RNF212B: variants seen among roughly 807,000 people sequenced by gnomAD.
RNF212B encodes E3 ubiquitin-protein ligase RNF212B.
Under a neutral mutation model 55.5 loss-of-function variants are expected in RNF212B, and 52 were observed. The observed-to-expected ratio is 0.94, with a 90% confidence interval of 0.75 to 1.18. The LOEUF (loss-of-function observed/expected upper bound fraction) is 1.18, where lower values mean the gene tolerates loss of function less well. Among genes scored for constraint, RNF212B ranks in the 50% most tolerant of loss-of-function variants. RNF212B has a pLI of 0.00. For missense variants in RNF212B, 289 were observed against 350.4 expected (o/e 0.82, Z 1.40); for synonymous variants, 99 against 121.4 (o/e 0.82, Z 1.21).
Position 23,243,325 on chromosome 14 carries a change from CT to C in RNF212B, c.153+18del. 2 of 1,543,052 alleles carry C rather than the reference CT, an allele frequency of 1.3e-6. No individual in the cohort carries two copies. Among genetic ancestry groups the C allele is most frequent in the Middle Eastern group, 1.7e-4 (1 of 5,974 alleles). The stretch of plus-strand genomic sequence containing the variant: ...TCTGATAATGTAAGTTTTTCTCCCC[CT>C]GCCACAAACTGTCTCATCCCATTCC... On this transcript the variant is annotated intron_variant, in intron 3 of 14. Coordinates refer to ENST00000430154, the MANE Select transcript of RNF212B (RefSeq NM_001282322.3).
At chr14:23,221,509 C>G (rs777698001) in intron 2 of RNF212B, among the ~76,000 whole-genome samples, 8 of 152,084 alleles carry the variant, frequency 5.3e-5, no homozygotes, top group Non-Finnish European at 8.8e-5. Context: ...ATTATTAGAG[C>G]TAAAGAGAAA....
At position 23,243,325 on chromosome 14, in the gene RNF212B, C is replaced by T; in HGVS notation, c.153+17C>T. 6.5e-7 allele frequency: 1 copy of T among 1,543,052 alleles called. No homozygotes were observed. Among genetic ancestry groups the T allele is most frequent in the Non-Finnish European group, 8.8e-7 (1 of 1,140,146 alleles). ...TCTGATAATGTAAGTTTTTCTCCCCCTGCCACAAACTGTCTCATCCCATTC... is the reference window on the plus strand; with the variant it reads ...TCTGATAATGTAAGTTTTTCTCCCCTTGCCACAAACTGTCTCATCCCATTC... On this transcript the variant is annotated intron_variant, in intron 3 of 14. Coordinates refer to ENST00000430154, the MANE Select transcript of RNF212B (RefSeq NM_001282322.3).
chr14:23,186,810 C>T (rs971836964), intron 1 of RNF212B, among the ~76,000 whole-genome samples: 4 of 152,036 alleles, frequency 2.6e-5, no homozygotes, highest in African/African-American at 4.8e-5. Context: ...AAATATTTTA[C>T]CTGAGGTAAA....
At chr14:23,195,652 TC>T (rs1010815006) in intron 2 of RNF212B, among the ~76,000 whole-genome samples, 2 of 152,158 alleles carry the variant, frequency 1.3e-5, no homozygotes, top group Non-Finnish European at 2.9e-5. Flanking sequence ...ACCTGTGCTC[TC>T]CCGACAGCAC....
In RNF212B at chr14:23,216,697, T is replaced by C. The variant is rs763762683; in HGVS notation, c.-2+23296T>C. On this transcript the variant is annotated intron_variant, in intron 2 of 15. Transcript: ENST00000399910. ...GAGTTCAAGACAAGCTTGGGCAACA[T>C]GGTGAAACCCCATCTCTACCAAAAA... Among the ~76,000 whole-genome samples the C allele has an allele frequency of 3.2e-4, 48 of 151,596 alleles. 1 individual carries two copies. Among genetic ancestry groups the C allele is most frequent in the Non-Finnish European group, 1.8e-4 (12 of 67,894 alleles).
chr14:23,194,345 A>C (rs1339932320), intron 2 of RNF212B, among the ~76,000 whole-genome samples: 1 of 152,210 alleles, frequency 6.6e-6, no homozygotes, highest in Non-Finnish European at 1.5e-5. Context: ...GTACCTAAAA[A>C]TAAGGCTTGA....
At chr14:23,227,750 T>C (rs1268442434) in intron 2 of RNF212B, among the ~76,000 whole-genome samples, 1 of 151,872 alleles carries the variant, frequency 6.6e-6, no homozygotes, top group Non-Finnish European at 1.5e-5. Flanking sequence ...CAGGCATGCA[T>C]CAGCACGCCT....
chr14:23,234,409 C>T (rs1019322254), upstream of RNF212B, among the ~76,000 whole-genome samples: 15 of 152,060 alleles, frequency 9.9e-5, no homozygotes, highest in Admixed American at 6.5e-4. Flanking sequence ...TTCCTGCACA[C>T]CTAGGTTATA....
chr14:23,229,233 T>TATATATAC (rs1882326975), intron 2 of RNF212B, among the ~76,000 whole-genome samples: 1 of 65,968 alleles, frequency 1.5e-5, no homozygotes, highest in East Asian at 4.2e-4. Context: ...TATATATATA[T>TATATATAC]ATATATATAT....
At position 23,212,900 on chromosome 14, in the gene RNF212B, A is replaced by C. The variant is rs150640802; in HGVS notation, c.-2+19499A>C. 8.0e-3 allele frequency among the ~76,000 whole-genome samples: 1,220 copies of C among 151,620 alleles called. 7 individuals are homozygous for C. The highest frequency in any genetic ancestry group is 0.011 in the Non-Finnish European group (744 of 68,014). On this transcript the variant is annotated intron_variant, in intron 2 of 15. Coordinates refer to the RNF212B transcript ENST00000399910. ...ATTTCTTTTTACAATTTTTTGAAGTAATTTCTTTTTTGCCAGCCTAATAGT... is the reference window on the plus strand; with the variant it reads ...ATTTCTTTTTACAATTTTTTGAAGTCATTTCTTTTTTGCCAGCCTAATAGT...
Position 23,228,653 on chromosome 14 carries a change from C to CA in RNF212B, c.-1-11685dup, listed in dbSNP as rs769415236. 9.5e-4 allele frequency among the ~76,000 whole-genome samples: 143 copies of CA among 150,874 alleles called. 1 individual carries two copies. Among genetic ancestry groups the CA allele is most frequent in the Admixed American group, 3.2e-3 (48 of 15,076 alleles). ...GACAGAGCAAGACTCTCTAAAAAAA[C>CA]AAAAAAACAAAACAAAACAAAACAA... On this transcript the variant is annotated intron_variant, in intron 2 of 15. Coordinates refer to the RNF212B transcript ENST00000399910.
At chr14:23,257,746 G>T (rs995175484) in intron 4 of RNF212B, among the ~76,000 whole-genome samples, 3 of 152,202 alleles carry the variant, frequency 2.0e-5, no homozygotes, top group Non-Finnish European at 2.9e-5. Flanking sequence ...AAAAAATTAC[G>T]TGTGCATGCC....
chr14:23,237,860 A>C (rs1319634082), upstream of RNF212B, among the ~76,000 whole-genome samples: 2 of 151,530 alleles, frequency 1.3e-5, no homozygotes, highest in Admixed American at 6.6e-5. Flanking sequence ...CGCGCACGCC[A>C]CGGAGCCACG....
chr14:23,245,896 G>T (rs911566219), intron 4 of RNF212B, among the ~76,000 whole-genome samples: 8 of 152,172 alleles, frequency 5.3e-5, no homozygotes, highest in African/African-American at 1.9e-4. Flanking sequence ...TCCTTAATAA[G>T]TAGTGGACGC....
intron 2 of RNF212B, 147 bp downstream of exon 2, chr14:23,240,592 A>T (rs1453264485): frequency 3.7e-6 from 2 of 534,188 alleles, no homozygotes; most frequent in African/African-American, 3.8e-5. Context: ...TCAATTTTAG[A>T]AATTGAAGGA....
At chr14:23,229,951 G>GCA (rs1157143032) in intron 2 of RNF212B, 1 of 198,200 alleles carries the variant, frequency 5.0e-6, no homozygotes, top group African/African-American at 2.3e-5. Flanking sequence ...GCCATCTCGT[G>GCA]CACAATTCCT....
At chr14:23,251,777 C>T (rs929459072) in intron 4 of RNF212B, among the ~76,000 whole-genome samples, 6 of 147,204 alleles carry the variant, frequency 4.1e-5, no homozygotes, top group Non-Finnish European at 7.4e-5. Flanking sequence ...GATTGTGCCA[C>T]CACACTCCAG....
rs980817408 is a variant in RNF212B at position 23,260,765 on chromosome 14, C to G, written c.434+78C>G. On this transcript the variant is annotated intron_variant, in intron 7 of 14. Coordinates refer to ENST00000430154, the MANE Select transcript of RNF212B (RefSeq NM_001282322.3). ...TTCTTGACTCCTGGCTGTGTGAACT[C>G]TGAGAGAGAGAAAATGGTTAATGAA... 2.5e-5 allele frequency: 31 copies of G among 1,261,880 alleles called. No homozygotes were observed. The African/African-American group carries it at 4.2e-4, about 17-fold the overall frequency. The allele number at this position is 1,261,880 out of a possible 1,614,324, so 78.2% of individuals were successfully genotyped here. A position where few individuals can be genotyped will look rare whatever the true frequency, so the allele number is the denominator to read the frequency against.
intron 2 of RNF212B, among the ~76,000 whole-genome samples, chr14:23,232,025 TC>T (rs1248472657): frequency 2.6e-5 from 4 of 152,202 alleles, no homozygotes; most frequent in African/African-American, 9.6e-5. Flanking sequence ...TGCCTTGGCC[TC>T]CCAAAGTGCC....
Sources: allele counts gnomAD v4.1 joint callset (sites outside exome capture counted in the v4.1 genomes callset), GRCh38; gene constraint gnomAD v4.1.1; transcripts MANE v1.5; gene names NCBI Gene and HGNC (gene_info 2026-07-23, HGNC 2026-07-21).